ACSL5: variants seen among roughly 807,000 people sequenced by gnomAD.
ACSL5 encodes the protein acyl-CoA synthetase long chain family member 5.
ACSL5 carries 50 observed loss-of-function variants against 84.9 expected under a neutral mutation model. The observed-to-expected ratio is 0.59, with a 90% CI of 0.47 to 0.75. The LOEUF (loss-of-function observed/expected upper bound fraction) is 0.75. Ranked by LOEUF, ACSL5 falls within the 30% of genes least tolerant of loss-of-function variation. The pLI is 0.00. For missense variants in ACSL5, 775 were observed against 830.4 expected, an observed-to-expected ratio of 0.93 and a Z score of 0.82; for synonymous variants, 280 against 300.7, an observed-to-expected ratio of 0.93 and a Z score of 0.71.
chr10:112,378,266 C>A (rs1849281810), intron 1 of ACSL5, among the ~76,000 whole-genome samples: 1 of 113,978 alleles, frequency 8.8e-6, no homozygotes, highest in Non-Finnish European at 1.7e-5. Context: ...TTTGGAGGAG[C>A]CTCACTCTGT....
In ACSL5 at chr10:112,426,284, T is replaced by C. The variant is rs764876585; in HGVS notation, c.1764T>C (p.Pro588=). The C allele has an allele frequency of 1.9e-6, 3 of 1,614,180 alleles. No individual in the cohort carries two copies. Among genetic ancestry groups the C allele is most frequent in the Admixed American group, 1.7e-5 (1 of 60,022 alleles). ...LRSSLVGVVV[P]DTDVLPSFAA... is the part of the protein sequence containing the mutation. ...CATCCTTAGTAGGAGTGGTGGTTCC[T>C]GACACAGATGTACTTCCCTCATTTG... The change falls in exon 19 of 21, where the codon CCT becomes CCC. Residue 588 remains proline (P), a synonymous_variant. Coordinates refer to ENST00000354655, the MANE Select transcript of ACSL5 (RefSeq NM_203379.2).
intron 1 of ACSL5, among the ~76,000 whole-genome samples, chr10:112,382,001 G>C (rs925026111): frequency 2.0e-5 from 3 of 152,184 alleles, no homozygotes; most frequent in Admixed American, 2.0e-4. Flanking sequence ...TGCCAAAGCT[G>C]AGGTGCATCC....
chr10:112,392,230 G>A (rs574444410), intron 1 of ACSL5, among the ~76,000 whole-genome samples: 5 of 152,278 alleles, frequency 3.3e-5, no homozygotes, highest in African/African-American at 9.6e-5. Context: ...CCAGCACTTC[G>A]GGAGGCCAAG....
chr10:112,419,829 C>A (rs1344034210), intron 14 of ACSL5: 1 of 152,172 alleles, frequency 6.6e-6, no homozygotes, highest in African/African-American at 2.4e-5. Flanking sequence ...TTCCTAACCC[C>A]CAATATTTCA....
intron 7 of ACSL5, 21 bp downstream of exon 7, chr10:112,409,706 T>C (rs767113563): frequency 1.2e-6 from 2 of 1,611,390 alleles, no homozygotes; most frequent in African/African-American, 2.7e-5. Flanking sequence ...GAAATTTAGC[T>C]TGCAGCTCCA....
intron 1 of ACSL5, among the ~76,000 whole-genome samples, chr10:112,376,818 A>T (rs577426625): frequency 2.6e-4 from 39 of 152,070 alleles, no homozygotes; most frequent in African/African-American, 7.7e-4. Flanking sequence ...GATGAATGAG[A>T]CCAATGGGGT....
intron 1 of ACSL5, chr10:112,375,175 C>T (rs903575437): frequency 2.0e-5 from 3 of 152,304 alleles, no homozygotes; most frequent in Admixed American, 6.5e-5. Context: ...ACTCTGCCAT[C>T]CTCTGCTCTC....
rs538714773 is a variant in ACSL5, at chr10:112,427,884, A to G, written c.*526A>G. ...TTTTAGCCTATCACTCATGTCAATCATATCTATGAGACAAATGTCTCCGAT... is the reference window on the plus strand; with the variant it reads ...TTTTAGCCTATCACTCATGTCAATCGTATCTATGAGACAAATGTCTCCGAT... On this transcript the variant is annotated 3_prime_UTR_variant, in exon 21 of 21. Coordinates refer to ENST00000354655, the MANE Select transcript of ACSL5 (RefSeq NM_203379.2). The G allele has an allele frequency of 2.0e-5, 3 of 152,862 alleles. No individual in the cohort carries two copies. The highest frequency in any genetic ancestry group is 4.1e-4 in the South Asian group (2 of 4,832). The allele number at this position is 152,862 out of a possible 1,614,324, so 9.5% of individuals were successfully genotyped here.
chr10:112,377,609 G>A (rs1374899390), intron 1 of ACSL5, among the ~76,000 whole-genome samples: 1 of 152,104 alleles, frequency 6.6e-6, no homozygotes, highest in African/African-American at 2.4e-5. Context: ...GGAGTAATTG[G>A]TTTTGTTTAT....
intron 6 of ACSL5, 180 bp downstream of exon 6, chr10:112,408,701 A>G (rs1252304317): frequency 3.6e-6 from 2 of 555,812 alleles, no homozygotes; most frequent in African/African-American, 3.8e-5. Flanking sequence ...AAAGCTACAA[A>G]AAGCCCATGA....
intron 12 of ACSL5, among the ~76,000 whole-genome samples, chr10:112,413,999 A>G (rs1450608751): frequency 6.6e-6 from 1 of 152,180 alleles, no homozygotes; most frequent in Non-Finnish European, 1.5e-5. Flanking sequence ...GAGGAAAATG[A>G]GCCTCAGAGG....
intron 1 of ACSL5, among the ~76,000 whole-genome samples, chr10:112,385,461 A>T (rs1849430787): frequency 6.6e-6 from 1 of 152,262 alleles, no homozygotes; most frequent in Admixed American, 6.5e-5. Context: ...CTTCTTTAAG[A>T]GACAGCGTCA....
chr10:112,389,888 C>T lies in ACSL5; in HGVS notation c.-29-5030C>T, dbSNP rs184929334. 3.9e-5 allele frequency among the ~76,000 whole-genome samples: 6 copies of T among 152,100 alleles called. No homozygotes were observed. In the East Asian group the frequency reaches 1.2e-3, roughly 29 times the overall value. ...ATGATATGGTTGCAAATCCTCTCAG[C>T]GCTAATCTTGTAAGGTTAAAAATGT... On this transcript the variant is annotated intron_variant, in intron 1 of 20. Transcript: ENST00000354655.
Position 112,394,904 on chromosome 10 carries a change from G to C in ACSL5, c.-29-14G>C. ...ATTTCCTCTAAATTTTCTTTCCCCT[G>C]TTTTTTTTTTAAGGTCTGAATTTCC... On this transcript the variant is annotated splice_polypyrimidine_tract_variant and intron_variant, in intron 1 of 20. Transcript: ENST00000354655. 2.2e-6 allele frequency: 3 copies of C among 1,346,522 alleles called. No homozygotes were observed. Among genetic ancestry groups the C allele is most frequent in the Non-Finnish European group, 3.1e-6 (3 of 977,368 alleles). 83.4% of individuals were successfully genotyped at this position (1,346,522 alleles called of 1,614,324 possible). A position where few individuals can be genotyped will look rare whatever the true frequency, so the allele number is the denominator to read the frequency against.
chr10:112,407,747 C>A (rs919613128), intron 5 of ACSL5, among the ~76,000 whole-genome samples: 1 of 152,140 alleles, frequency 6.6e-6, no homozygotes, highest in Non-Finnish European at 1.5e-5. Context: ...ATAACCAAAT[C>A]CTACTAGTCC....
At chr10:112,389,741 G>A (rs1224236687) in intron 1 of ACSL5, among the ~76,000 whole-genome samples, 1 of 152,166 alleles carries the variant, frequency 6.6e-6, no homozygotes, top group Non-Finnish European at 1.5e-5. Flanking sequence ...ACTTGGAAGT[G>A]TTAACAGATT....
intron 9 of ACSL5, 170 bp from the exon 10 acceptor site, chr10:112,411,286 G>A (rs1844169920): frequency 6.6e-6 from 4 of 604,738 alleles, no homozygotes; most frequent in Non-Finnish European, 1.2e-5. Context: ...AATCTCCGGG[G>A]GCATTAATTA....
At chr10:112,399,133 C>A in intron 3 of ACSL5, 124 bp downstream of exon 3, 1 of 779,820 alleles carries the variant, frequency 1.3e-6, no homozygotes, top group Non-Finnish European at 2.1e-6. Flanking sequence ...AGAATCGCAA[C>A]ATGCAAAATA....
At chr10:112,378,965 G>T (rs951027835) in intron 1 of ACSL5, among the ~76,000 whole-genome samples, 4 of 152,162 alleles carry the variant, frequency 2.6e-5, no homozygotes, top group African/African-American at 7.2e-5. Flanking sequence ...GGAAGCTGGT[G>T]GATCTCCCAG....
Sources: gnomAD v4.1 joint callset for allele counts (sites outside exome capture counted in the v4.1 genomes callset) on GRCh38, gnomAD v4.1.1 for gene constraint, MANE v1.5 for transcripts, NCBI Gene and HGNC (gene_info 2026-07-23, HGNC 2026-07-21) for gene names.